MCM5: variants seen among roughly 807,000 people sequenced by gnomAD.
MCM5 encodes the protein DNA replication licensing factor MCM5.
MCM5 carries 46 observed loss-of-function variants against 79.9 expected under a neutral mutation model. The observed-to-expected ratio is 0.58, with a 90% confidence interval of 0.45 to 0.74. The LOEUF is 0.74. Among genes scored for constraint, MCM5 ranks in the 30% least tolerant of loss-of-function variants. The probability of loss-of-function intolerance (pLI) is 0.00; values close to 1 mark genes in which losing one functional copy is unlikely to be tolerated. For missense variants in MCM5, 883 were observed against 1,017.0 expected, an observed-to-expected ratio of 0.87 and a Z score of 1.79; for synonymous variants, 404 against 390.5, an observed-to-expected ratio of 1.03 and a Z score of -0.41.
chr22:35,449,749 G>A, the MCM5 span, among the ~76,000 whole-genome samples: 98 of 152,074 alleles, frequency 6.4e-4, no homozygotes, highest in African/African-American at 2.2e-3. Context: ...CTCTTTCTTG[G>A]GCCAAATCCT....
chr22:35,439,329 A>G, the MCM5 span, among the ~76,000 whole-genome samples: 2 of 151,800 alleles, frequency 1.3e-5, no homozygotes, highest in Non-Finnish European at 2.9e-5. Context: ...CCATCCATCC[A>G]TCTACCCACA....
At chr22:35,427,580 G>A (rs1052213194), downstream of MCM5, among the ~76,000 whole-genome samples, 3 of 148,974 alleles carry the variant, frequency 2.0e-5, no homozygotes, top group Non-Finnish European at 3.0e-5. Context: ...TTGTTTTTGG[G>A]GTACATGTGC....
chr22:35,411,916 C>G (rs4645781), intron 7 of MCM5, among the ~76,000 whole-genome samples: 1 of 152,176 alleles, frequency 6.6e-6, no homozygotes. Flanking sequence ...CAGACTGGCT[C>G]CTCTCAGTCT....
chr22:35,414,109 C>G, intron 9 of MCM5, 123 bp downstream of exon 9: 1 of 650,836 alleles, frequency 1.5e-6, no homozygotes, highest in Admixed American at 2.6e-5. Flanking sequence ...CCTCCTTTCT[C>G]TTGGCTGCGG....
the MCM5 span, among the ~76,000 whole-genome samples, chr22:35,450,890 G>A: frequency 6.6e-6 from 1 of 152,186 alleles, no homozygotes; most frequent in Non-Finnish European, 1.5e-5. Context: ...GTGTTGAGGA[G>A]GGGTCTACCC....
chr22:35,416,530 T>C, intron 11 of MCM5, 108 bp from the exon 12 acceptor site: 2 of 465,972 alleles, frequency 4.3e-6, no homozygotes, highest in African/African-American at 8.2e-5. Flanking sequence ...TGTGTGTGTG[T>C]GTGTGTGTGT....
the MCM5 span, among the ~76,000 whole-genome samples, chr22:35,434,718 A>T: frequency 6.6e-6 from 1 of 152,234 alleles, no homozygotes; most frequent in African/African-American, 2.4e-5. Flanking sequence ...CACTGAGGAC[A>T]GGAGATTATG....
chr22:35,416,229 G>A (rs1259851333), intron 10 of MCM5, 110 bp from the exon 11 acceptor site: 1 of 1,130,554 alleles, frequency 8.8e-7, no homozygotes, highest in African/African-American at 1.5e-5. Context: ...CATTGGCCTT[G>A]CGTGGAGCTG....
intron 2 of MCM5, among the ~76,000 whole-genome samples, chr22:35,402,641 C>T (rs1932092698): frequency 6.6e-6 from 1 of 152,030 alleles, no homozygotes; most frequent in African/African-American, 2.4e-5. Flanking sequence ...GCAGCCTCCA[C>T]CTCTGGGGTT....
intron 2 of MCM5, 140 bp from the exon 3 acceptor site, chr22:35,403,067 A>T (rs1013760850): frequency 7.2e-6 from 7 of 977,774 alleles, no homozygotes; most frequent in Non-Finnish European, 9.2e-6. Context: ...CTGGAATTAG[A>T]TGTGTGTTTG....
chr22:35,416,511 CTGTGTGTGTGTGTGTGTGTG>C (rs133421), intron 11 of MCM5, 107 bp downstream of exon 11: 35,854 of 1,023,210 alleles, frequency 0.035, 738 homozygotes, highest in African/African-American at 0.12. Flanking sequence ...GGCCTAGAAT[CTGTGTGTGTGTGTGTGTGTG>C]TGTGTGTGTG....
chr22:35,425,803 A>G (rs1322162144), downstream of MCM5, among the ~76,000 whole-genome samples: 2 of 151,986 alleles, frequency 1.3e-5, no homozygotes, highest in East Asian at 1.9e-4. Context: ...TTCACCCTGC[A>G]GTGGCAACTT....
chr22:35,423,108 C>G, intron 15 of MCM5, 106 bp from the exon 16 acceptor site: 4 of 1,309,106 alleles, frequency 3.1e-6, no homozygotes, highest in South Asian at 1.5e-5. Flanking sequence ...CTGACTTACT[C>G]TTCGGGGCCT....
chr22:35,412,876 C>T (rs149783220), intron 8 of MCM5, among the ~76,000 whole-genome samples, 195 bp downstream of exon 8: 27 of 152,298 alleles, frequency 1.8e-4, no homozygotes, highest in African/African-American at 5.8e-4. Context: ...CTCAGCGATG[C>T]CCTGACCCTG....
At chr22:35,451,490 C>G in the MCM5 span, among the ~76,000 whole-genome samples, 1 of 152,246 alleles carries the variant, frequency 6.6e-6, no homozygotes, top group African/African-American at 2.4e-5. Flanking sequence ...AATTATTGAT[C>G]TGCCATCTCC....
chr22:35,412,625 G>C lies in MCM5; in HGVS notation c.1035G>C (p.Gly345=). ...ISKSIAPSIF[G]GTDMKKAIAC... ...AGAGCATCGCCCCCTCCATCTTTGGGGGCACAGACATGAAGAAGGCCATTG... is the reference window on the plus strand; with the variant it reads ...AGAGCATCGCCCCCTCCATCTTTGGCGGCACAGACATGAAGAAGGCCATTG... Residue 345 remains glycine, a synonymous_variant, in exon 8 of 17, where the codon GGG becomes GGC. Transcript: ENST00000216122. 3.8e-6 allele frequency: 6 copies of C among 1,568,756 alleles called. No individual in the cohort carries two copies. Among genetic ancestry groups the C allele is most frequent in the Non-Finnish European group, 4.3e-6 (5 of 1,153,810 alleles).
chr22:35,412,846 T>A (rs1029085577), intron 8 of MCM5, among the ~76,000 whole-genome samples, 165 bp downstream of exon 8: 1 of 152,174 alleles, frequency 6.6e-6, no homozygotes, highest in Non-Finnish European at 1.5e-5. Context: ...AGCTGGCTAG[T>A]GGCTGATCTG....
rs200870158 is a variant in MCM5 at position 35,421,448 on chromosome 22, G to A, written c.1963G>A (p.Gly655Ser). The A allele has an allele frequency of 4.3e-5, 69 of 1,614,144 alleles. No individual in the cohort carries two copies. The highest frequency in any genetic ancestry group is 5.5e-5 in the Non-Finnish European group (65 of 1,180,040). ...QVSTLDAALS[G>S]TLSGVEGFTS... Reference sequence around the variant, plus strand: ...GTCCACGTTGGATGCTGCCTTGTCCGGTACCCTGTCAGGTGAGCAGATGCA... The same window carrying A: ...GTCCACGTTGGATGCTGCCTTGTCCAGTACCCTGTCAGGTGAGCAGATGCA... The change falls in exon 15 of 17, where the codon GGT becomes AGT. Residue 655 changes from glycine (G) to serine (S), a missense_variant. Physicochemically the swap from Gly to Ser is moderately conservative, Grantham distance 56. Transcript: ENST00000216122.
downstream of MCM5, among the ~76,000 whole-genome samples, chr22:35,426,093 G>A (rs1348116521): frequency 1.3e-5 from 2 of 152,150 alleles, no homozygotes; most frequent in African/African-American, 2.4e-5. Flanking sequence ...CCCTGGGGTA[G>A]GTTCCCAGGG....
Sources: gnomAD v4.1 joint callset for allele counts (sites outside exome capture counted in the v4.1 genomes callset) on GRCh38, gnomAD v4.1.1 for gene constraint, MANE v1.5 for transcripts, NCBI Gene and HGNC (gene_info 2026-07-23, HGNC 2026-07-21) for gene names.